TARS2: variants seen among roughly 807,000 people sequenced by gnomAD.
TARS2 encodes the protein threonyl-tRNA synthetase 2, mitochondrial, also known as threonine--tRNA ligase, mitochondrial.
A neutral mutation model predicts 94.4 loss-of-function variants in TARS2; 61 were observed. That is an observed-to-expected ratio of 0.65 (90% CI 0.53 to 0.80). The LOEUF is 0.80. TARS2 is among the 30% of genes least tolerant of loss of function. TARS2 has a pLI of 0.00. For synonymous variants in TARS2, 359 were observed against 353.4 expected (o/e 1.02, Z -0.18); for missense variants, 704 against 902.5 (o/e 0.78, Z 2.82).
rs768821693 is a variant in TARS2, at chr1:150,491,428, C to G, written c.547C>G (p.Arg183Gly). ...IRGSELPVLE[R>G]ICQELTAAAR... ...GGGCTCAGAGCTGCCTGTTTTGGAG[C>G]GGATTTGCCAGGAACTTACAGCTGC... Residue 183 changes from arginine to glycine, a missense_variant, in exon 5 of 18, where the codon CGG becomes GGG. Coordinates refer to ENST00000369064, the MANE Select transcript of TARS2 (RefSeq NM_025150.5). 2 of 1,613,368 alleles carry G rather than the reference C, an allele frequency of 1.2e-6. No individual in the cohort carries two copies. Among genetic ancestry groups the G allele is most frequent in the African/African-American group, 1.3e-5 (1 of 74,900 alleles).
chr1:150,503,646 T>TGTGTGTATAC (rs1560257604), intron 13 of TARS2, among the ~76,000 whole-genome samples: 4 of 113,878 alleles, frequency 3.5e-5, no homozygotes, highest in Non-Finnish European at 6.1e-5. Context: ...TGTGTATATA[T>TGTGTGTATAC]GTGTGTATAT....
At chr1:150,496,435 G>T in intron 7 of TARS2, 47 bp from the exon 8 acceptor site, 2 of 1,547,292 alleles carry the variant, frequency 1.3e-6, no homozygotes, top group Non-Finnish European at 1.7e-6. Context: ...AAAAGGTGGG[G>T]GCCTTCAGTC....
At chr1:150,503,762 G>A (rs1024175022) in intron 13 of TARS2, among the ~76,000 whole-genome samples, 2 of 151,298 alleles carry the variant, frequency 1.3e-5, no homozygotes, top group African/African-American at 2.4e-5. Flanking sequence ...TGTTAGCTGG[G>A]CGTGGTGGCA....
chr1:150,496,556 A>C lies in TARS2; in HGVS notation c.849A>C (p.Thr283=). ...GAGTGTCAGGGATTTCCTTCCCCAC[A>C]ACAGAATTGCTGAGGGTCTGGGAAG... ...LQRVSGISFP[T]TELLRVWEAW... The change falls in exon 8 of 18, where the codon ACA becomes ACC. Residue 283 remains threonine (T), a synonymous_variant. Transcript: ENST00000369064. 1 of 1,614,106 alleles carries C rather than the reference A, an allele frequency of 6.2e-7. No individual in the cohort carries two copies. Among genetic ancestry groups the C allele is most frequent in the Non-Finnish European group, 8.5e-7 (1 of 1,180,028 alleles).
chr1:150,496,532 A>G lies in TARS2; in HGVS notation c.825A>G (p.Arg275=), dbSNP rs758762264. The G allele has an allele frequency of 6.2e-7, 1 of 1,614,084 alleles. No individual in the cohort carries two copies. Among genetic ancestry groups the G allele is most frequent in the South Asian group, 1.1e-5 (1 of 91,086 alleles). ...CAGGGGCCCCAGAGACACTGCAGAG[A>G]GTGTCAGGGATTTCCTTCCCCACAA... The part of the protein sequence containing the change: ...RSSGAPETLQ[R]VSGISFPTTE... The change falls in exon 8 of 18, where the codon AGA becomes AGG. Residue 275 remains arginine (R), a synonymous_variant. Coordinates refer to ENST00000369064, the MANE Select transcript of TARS2 (RefSeq NM_025150.5).
At chr1:150,490,107 A>G (rs982860761) in intron 3 of TARS2, among the ~76,000 whole-genome samples, 4 of 133,372 alleles carry the variant, frequency 3.0e-5, no homozygotes, top group Non-Finnish European at 6.4e-5. Flanking sequence ...TTTCTTTTCT[A>G]TTCAGTCTTT....
At chr1:150,499,414 A>G in intron 13 of TARS2, 121 bp downstream of exon 13, 3 of 916,348 alleles carry the variant, frequency 3.3e-6, no homozygotes, top group Non-Finnish European at 4.9e-6. Flanking sequence ...CCCAGGCTAA[A>G]ATGCAGTGGT....
intron 13 of TARS2, among the ~76,000 whole-genome samples, chr1:150,500,153 G>T (rs867328930): frequency 9.2e-5 from 14 of 152,044 alleles, no homozygotes; most frequent in Non-Finnish European, 1.8e-4. Flanking sequence ...CTCCAGCCTG[G>T]GTGATAGAGT....
chr1:150,491,724 T>C (rs1261094077), intron 6 of TARS2, 62 bp downstream of exon 6: 8 of 1,513,530 alleles, frequency 5.3e-6, no homozygotes, highest in African/African-American at 1.4e-5. Flanking sequence ...AGGCCAGAAA[T>C]GCGATAAGGG....
rs2102471166 is a variant in TARS2, at chr1:150,488,069, C to T, written c.263+15C>T. On this transcript the variant is annotated intron_variant, in intron 2 of 17. Coordinates refer to ENST00000369064, the MANE Select transcript of TARS2 (RefSeq NM_025150.5). The stretch of plus-strand genomic sequence containing the variant: ...CGGCAGATCAGGTAACAGGCCCATC[C>T]TGTAACTACCAGGATTATCCTTCTG... 2 of 1,612,092 alleles carry T rather than the reference C, an allele frequency of 1.2e-6. No individual in the cohort carries two copies. Among genetic ancestry groups the T allele is most frequent in the East Asian group, 4.5e-5 (2 of 44,876 alleles).
rs3738488 is a variant in TARS2 at position 150,504,617 on chromosome 1, C to G, written c.1719-15C>G. On this transcript the variant is annotated splice_polypyrimidine_tract_variant and intron_variant, in intron 14 of 17. Transcript: ENST00000369064. ...CTTCCACCATTCCATCCACCCCCCC[C>G]TTTTTCCTTTCAAGGCAGGCGGGTG... 6 of 1,611,922 alleles carry G rather than the reference C, an allele frequency of 3.7e-6. No homozygotes were observed. In the Admixed American group the frequency reaches 6.7e-5, roughly 18 times the overall value.
intron 1 of TARS2, 149 bp downstream of exon 1, chr1:150,487,665 C>T (rs1249385968): frequency 6.2e-6 from 8 of 1,292,420 alleles, no homozygotes; most frequent in Non-Finnish European, 8.6e-6. Flanking sequence ...AACTCGTTAT[C>T]TAATTCTCGA....
At chr1:150,495,886 A>AT (rs1560249441) in intron 7 of TARS2, among the ~76,000 whole-genome samples, 11 of 150,372 alleles carry the variant, frequency 7.3e-5, no homozygotes. Flanking sequence ...CACCCAGTTA[A>AT]TTTTTTTGTA....
chr1:150,489,905 G>C (rs587709239), intron 3 of TARS2, among the ~76,000 whole-genome samples: 13 of 152,134 alleles, frequency 8.5e-5, no homozygotes, highest in Admixed American at 3.3e-4. Flanking sequence ...TCGCGTCATT[G>C]CACTCTAGCC....
chr1:150,492,438 G>A lies in TARS2; in HGVS notation c.723G>A (p.Gln241=). The change falls in exon 7 of 18, where the codon CAG becomes CAA. Residue 241 remains glutamine (Q), a synonymous_variant. Coordinates refer to ENST00000369064, the MANE Select transcript of TARS2 (RefSeq NM_025150.5). The stretch of plus-strand genomic sequence containing the variant: ...GTGGCACATTGGTTGACCTTTGCCA[G>A]GGCCCCCACCTTCGGCATACTGGAC... The part of the protein sequence containing the change: ...YGCGTLVDLC[Q]GPHLRHTGQI... The A allele has an allele frequency of 6.2e-7, 1 of 1,613,992 alleles. No homozygotes were observed. The highest frequency in any genetic ancestry group is 1.7e-4 in the Middle Eastern group (1 of 6,058).
Position 150,490,803 on chromosome 1 carries a change from AT to A in TARS2, c.512+81del. On this transcript the variant is annotated intron_variant, in intron 4 of 17. Coordinates refer to ENST00000369064, the MANE Select transcript of TARS2 (RefSeq NM_025150.5). ...TTTTCAGGGGCCTTGGGCATGCTCC[AT>A]TTGGATGAGGAAGCTGGAGGAGAAG... 1.9e-6 allele frequency: 3 copies of A among 1,592,730 alleles called. No individual in the cohort carries two copies. The African/African-American group carries it at 4.1e-5, about 22-fold the overall frequency.
rs587696840 is a variant in TARS2 at position 150,497,424 on chromosome 1, G to A, written c.1021-106G>A. 6 of 1,012,616 alleles carry A rather than the reference G, an allele frequency of 5.9e-6. No individual in the cohort carries two copies. The East Asian group carries it at 1.4e-4, about 24-fold the overall frequency. The allele number at this position is 1,012,616 out of a possible 1,614,324, so 62.7% of individuals were successfully genotyped here. ...GGGACCTGGTATTTAATAGGTTGTG[G>A]TTGCAATCAGCATGGCCTGAGGGCC... On this transcript the variant is annotated intron_variant, in intron 9 of 17. Transcript: ENST00000369064.
In TARS2 at chr1:150,496,466, C is replaced by T. The variant is rs759379537; in HGVS notation, c.775-16C>T. On this transcript the variant is annotated splice_polypyrimidine_tract_variant and intron_variant, in intron 7 of 17. Coordinates refer to ENST00000369064, the MANE Select transcript of TARS2 (RefSeq NM_025150.5). ...CAGTCCTCATCTTTCCTTTGATCCCCTATGTCCTCACACAGAACTCATCAT... is the reference window on the plus strand; with the variant it reads ...CAGTCCTCATCTTTCCTTTGATCCCTTATGTCCTCACACAGAACTCATCAT... The T allele has an allele frequency of 6.9e-6, 11 of 1,600,200 alleles. No individual in the cohort carries two copies. Among genetic ancestry groups the T allele is most frequent in the Non-Finnish European group, 9.4e-6 (11 of 1,171,124 alleles).
In TARS2 at chr1:150,488,042, C is replaced by G; in HGVS notation, c.251C>G (p.Ala84Gly). 2 of 1,613,842 alleles carry G rather than the reference C, an allele frequency of 1.2e-6. No homozygotes were observed. The highest frequency in any genetic ancestry group is 1.7e-6 in the Non-Finnish European group (2 of 1,179,886). The change falls in exon 2 of 18, where the codon GCC becomes GGC. Residue 84 changes from alanine (A) to glycine (G), a missense_variant. This residue lies in a region of TARS2 where 208 missense variants were observed against 228.5 expected (regional missense o/e 0.91). Coordinates refer to ENST00000369064, the MANE Select transcript of TARS2 (RefSeq NM_025150.5). ...VAWNTTPYQL[A>G]RQISSTLADT... Reference sequence around the variant, plus strand: ...TGGAACACAACCCCCTACCAACTAGCCCGGCAGATCAGGTAACAGGCCCAT... The same window carrying G: ...TGGAACACAACCCCCTACCAACTAGGCCGGCAGATCAGGTAACAGGCCCAT...
Sources: allele counts gnomAD v4.1 joint callset (sites outside exome capture counted in the v4.1 genomes callset), GRCh38; gene constraint gnomAD v4.1.1; regional missense constraint gnomAD v4.1.1; transcripts MANE v1.5; gene names NCBI Gene and HGNC (gene_info 2026-07-23, HGNC 2026-07-21).